The following SLC44A5 variants were observed in gnomAD, a reference collection of about 807,000 sequenced individuals.
The protein encoded by SLC44A5 is solute carrier family 44 member 5, also known as choline transporter-like protein 5.
Under a neutral mutation model 101.8 loss-of-function variants are expected in SLC44A5, and 57 were observed. The ratio of observed to expected loss-of-function variants is 0.56; its 90% CI spans 0.45 to 0.70. SLC44A5 has a LOEUF of 0.70. SLC44A5 is among the 30% of genes least tolerant of loss of function. The pLI is 0.00. For synonymous variants in SLC44A5, 281 were observed against 290.9 expected (o/e 0.97, Z 0.35); for missense variants, 737 against 853.1 (o/e 0.86, Z 1.70).
intron 4 of SLC44A5, among the ~76,000 whole-genome samples, chr1:75,331,717 TAA>T (rs1657071269): frequency 6.6e-6 from 1 of 152,144 alleles, no homozygotes; most frequent in African/African-American, 2.4e-5. Context: ...ACCCACTACC[TAA>T]GTCCCGCTCC....
chr1:75,688,460 G>A, the SLC44A5 span, among the ~76,000 whole-genome samples: 1 of 151,046 alleles, frequency 6.6e-6, no homozygotes, highest in Non-Finnish European at 1.5e-5. Flanking sequence ...CAGGCCTATG[G>A]TTCTTAAGAT....
intron 5 of SLC44A5, among the ~76,000 whole-genome samples, chr1:75,286,099 T>C (rs1653021324): frequency 6.6e-6 from 1 of 152,140 alleles, no homozygotes; most frequent in South Asian, 2.1e-4. Context: ...TATGTTGCCA[T>C]CTAATTCATT....
At chr1:75,232,737 A>T (rs1418270496) in intron 12 of SLC44A5, among the ~76,000 whole-genome samples, 3 of 152,150 alleles carry the variant, frequency 2.0e-5, no homozygotes, top group Non-Finnish European at 2.9e-5. Flanking sequence ...TTTAATCCTT[A>T]AGATCCTCTG....
chr1:75,278,805 A>C (rs1652143991), intron 5 of SLC44A5, among the ~76,000 whole-genome samples: 1 of 152,172 alleles, frequency 6.6e-6, no homozygotes, highest in African/African-American at 2.4e-5. Context: ...AATTTTCCTA[A>C]ATGAACAAAT....
the SLC44A5 span, among the ~76,000 whole-genome samples, chr1:75,656,009 A>C: frequency 6.6e-6 from 1 of 152,200 alleles, no homozygotes; most frequent in Non-Finnish European, 1.5e-5. Context: ...TAAAGCAGCA[A>C]GAGAAAAAAA....
intron 4 of SLC44A5, among the ~76,000 whole-genome samples, chr1:75,314,564 T>G (rs1333551164): frequency 6.6e-6 from 1 of 152,144 alleles, no homozygotes; most frequent in Non-Finnish European, 1.5e-5. Context: ...ATAGGTGAGA[T>G]ACAACTTAAA....
intron 2 of SLC44A5, among the ~76,000 whole-genome samples, chr1:75,435,375 G>A (rs1011070755): frequency 9.9e-5 from 15 of 152,246 alleles, no homozygotes; most frequent in South Asian, 4.1e-4. Context: ...TAAATCTTAC[G>A]TTTTAAATCA....
At chr1:75,484,533 C>G (rs1668050267) in intron 2 of SLC44A5, among the ~76,000 whole-genome samples, 1 of 152,242 alleles carries the variant, frequency 6.6e-6, no homozygotes, top group Non-Finnish European at 1.5e-5. Context: ...GCTGCTTTCA[C>G]TAGCTGGCAT....
chr1:75,230,450 C>T (rs994388824), intron 12 of SLC44A5, among the ~76,000 whole-genome samples: 2 of 151,620 alleles, frequency 1.3e-5, no homozygotes, highest in African/African-American at 4.8e-5. Context: ...GGGGTTTCAC[C>T]ATGTTGGCCA....
intron 12 of SLC44A5, among the ~76,000 whole-genome samples, chr1:75,230,407 C>T (rs946020859): frequency 1.4e-4 from 21 of 151,698 alleles, no homozygotes; most frequent in Non-Finnish European, 2.4e-4. Flanking sequence ...GCTACCATGC[C>T]CAGCTAATTT....
chr1:75,275,283 G>A (rs994069119), intron 5 of SLC44A5, among the ~76,000 whole-genome samples: 1 of 152,098 alleles, frequency 6.6e-6, no homozygotes, highest in African/African-American at 2.4e-5. Flanking sequence ...CAAAACATGA[G>A]GTAATGCACT....
rs74929476 is a variant in SLC44A5 at position 75,277,103 on chromosome 1, G to C, written c.176-2061C>G. On this transcript the variant is annotated intron_variant, in intron 5 of 23. Transcript: ENST00000370859. ...GTTATACCAATGTGAATTTATGTTA[G>C]AGTTCTCAAGAAATACACGAAAAGG... Among the ~76,000 whole-genome samples, 1,429 of 152,240 alleles carry C rather than the reference G, an allele frequency of 9.4e-3. 34 individuals carry two copies. Among genetic ancestry groups the C allele is most frequent in the African/African-American group, 0.032 (1,347 of 41,518 alleles).
chr1:75,628,088 C>G, the SLC44A5 span, among the ~76,000 whole-genome samples: 2 of 151,632 alleles, frequency 1.3e-5, no homozygotes, highest in African/African-American at 2.4e-5. Context: ...AAAATTCTTA[C>G]AAGTTTGAGT....
Position 75,368,673 on chromosome 1 carries a change from C to A in SLC44A5, c.52+27910G>T, listed in dbSNP as rs372694254. On this transcript the variant is annotated intron_variant, in intron 3 of 23. Coordinates refer to ENST00000370859, the MANE Select transcript of SLC44A5 (RefSeq NM_001130058.2). ...CACACACACACACACACACACACAC[C>A]ACACTCAAATTGGTATTCTGAATGC... 6.8e-3 allele frequency among the ~76,000 whole-genome samples: 832 copies of A among 122,734 alleles called. 3 individuals are homozygous for A. Among genetic ancestry groups the A allele is most frequent in the Non-Finnish European group, 0.011 (601 of 55,672 alleles). The allele number at this position is 122,734 out of a possible 152,430, so 80.5% of individuals were successfully genotyped here. A position where few individuals can be genotyped will look rare whatever the true frequency, so the allele number is the denominator to read the frequency against.
intron 2 of SLC44A5, among the ~76,000 whole-genome samples, chr1:75,464,876 A>G (rs749153300): frequency 1.3e-5 from 2 of 152,238 alleles, no homozygotes; most frequent in Non-Finnish European, 1.5e-5. Context: ...ACCCAGATAC[A>G]TAAAGCAAAT....
At chr1:75,476,560 T>C (rs181030577) in intron 2 of SLC44A5, among the ~76,000 whole-genome samples, 273 of 152,294 alleles carry the variant, frequency 1.8e-3, no homozygotes, top group African/African-American at 6.4e-3. Flanking sequence ...ATACTGCGCT[T>C]TTCCGACAGG....
At chr1:75,712,713 A>AC in the SLC44A5 span, among the ~76,000 whole-genome samples, 38 of 110,644 alleles carry the variant, frequency 3.4e-4, 3 homozygotes, top group African/African-American at 1.1e-3. Flanking sequence ...AAAAAAAAAA[A>AC]ATGGAAAAGA....
the SLC44A5 span, among the ~76,000 whole-genome samples, chr1:75,702,455 T>C: frequency 1.3e-5 from 2 of 152,046 alleles, no homozygotes; most frequent in Non-Finnish European, 1.5e-5. Flanking sequence ...TGGCTAGCCA[T>C]ATGTAGAAAG....
Position 75,213,903 on chromosome 1 carries a change from C to A in SLC44A5, c.1873+16G>T, listed in dbSNP as rs1311825433. On this transcript the variant is annotated intron_variant, in intron 21 of 23. Transcript: ENST00000370859. ...TTTAAACTTTTTTTTTTATTATTTT[C>A]ATCATGATTACTTACCTATACTTCC... is the stretch of plus-strand genomic sequence containing the variant. 1.3e-6 allele frequency: 2 copies of A among 1,544,920 alleles called. No individual in the cohort carries two copies. Among genetic ancestry groups the A allele is most frequent in the Non-Finnish European group, 1.8e-6 (2 of 1,133,486 alleles).
Sources: allele counts gnomAD v4.1 joint callset (sites outside exome capture counted in the v4.1 genomes callset), GRCh38; gene constraint gnomAD v4.1.1; transcripts MANE v1.5; gene names NCBI Gene and HGNC (gene_info 2026-07-23, HGNC 2026-07-21).